Variants in SBF2 observed in about 807,000 individuals in gnomAD.
SBF2 encodes SET binding factor 2.
A neutral mutation model predicts 225.2 loss-of-function variants in SBF2; 112 were observed. The ratio of observed to expected loss-of-function variants is 0.50; its 90% CI spans 0.43 to 0.58. SBF2 has a LOEUF of 0.58. Ranked by LOEUF, SBF2 falls within the 20% of genes least tolerant of loss-of-function variation. The probability of loss-of-function intolerance (pLI) is 0.00; values close to 1 mark genes in which losing one functional copy is unlikely to be tolerated. For synonymous variants in SBF2, 763 were observed against 773.3 expected, an observed-to-expected ratio of 0.99 and a Z score of 0.22; for missense variants, 1,996 against 2,206.2, an observed-to-expected ratio of 0.90 and a Z score of 1.91.
At chr11:9,992,666 C>A in intron 11 of SBF2, 123 bp from the exon 12 acceptor site, 1 of 874,028 alleles carries the variant, frequency 1.1e-6, no homozygotes, top group Non-Finnish European at 1.7e-6. Flanking sequence ...TATATGCTGT[C>A]ATAAAATATA....
At chr11:9,839,162 C>T (rs899023303) in intron 26 of SBF2, 8 of 338,368 alleles carry the variant, frequency 2.4e-5, no homozygotes, top group African/African-American at 1.7e-4. Context: ...CCCCAGCCTA[C>T]AAAAGACTTT....
intron 2 of SBF2, among the ~76,000 whole-genome samples, chr11:10,051,564 G>C (rs1950065338): frequency 6.6e-6 from 1 of 152,028 alleles, no homozygotes; most frequent in Admixed American, 6.6e-5. Flanking sequence ...CAAAGAGGTT[G>C]TTAAGATAGT....
At chr11:10,002,755 A>G in intron 6 of SBF2, 66 bp from the exon 7 acceptor site, 1 of 1,482,096 alleles carries the variant, frequency 6.7e-7, no homozygotes, top group African/African-American at 1.4e-5. Flanking sequence ...ACAATCATAG[A>G]CAGTATACAC....
chr11:10,162,067 G>T (rs886345833), intron 2 of SBF2, among the ~76,000 whole-genome samples: 2 of 151,968 alleles, frequency 1.3e-5, no homozygotes, highest in Non-Finnish European at 2.9e-5. Flanking sequence ...TGTGTAGGAC[G>T]AGAACATGAA....
At chr11:9,813,562 G>C (rs1008974132) in intron 29 of SBF2, among the ~76,000 whole-genome samples, 2 of 152,116 alleles carry the variant, frequency 1.3e-5, no homozygotes, top group African/African-American at 4.8e-5. Flanking sequence ...TTTTGACCTT[G>C]TGATCCGCCC....
At chr11:9,960,634 T>G (rs1374672200) in intron 16 of SBF2, 2 of 151,804 alleles carry the variant, frequency 1.3e-5, no homozygotes, top group Non-Finnish European at 2.9e-5. Flanking sequence ...TGTTTATAAG[T>G]GTGCCAATTC....
At chr11:10,028,893 C>T (rs1457057938) in intron 5 of SBF2, among the ~76,000 whole-genome samples, 1 of 152,100 alleles carries the variant, frequency 6.6e-6, no homozygotes, top group African/African-American at 2.4e-5. Flanking sequence ...TGTGACCAAA[C>T]TCACATTTAA....
intron 17 of SBF2, among the ~76,000 whole-genome samples, chr11:9,862,571 T>C (rs911595571): frequency 6.6e-6 from 1 of 152,150 alleles, no homozygotes; most frequent in Non-Finnish European, 1.5e-5. Flanking sequence ...AAAATGAACA[T>C]ATTTTACAAA....
At chr11:10,291,303 T>C (rs960795847) in intron 1 of SBF2, among the ~76,000 whole-genome samples, 2 of 152,284 alleles carry the variant, frequency 1.3e-5, no homozygotes, top group Middle Eastern at 3.4e-3. Flanking sequence ...GAGAGCTCAT[T>C]TGACCCTTAA....
intron 3 of SBF2, among the ~76,000 whole-genome samples, chr11:10,033,293 T>C (rs1331506556): frequency 6.6e-6 from 1 of 152,136 alleles, no homozygotes; most frequent in East Asian, 1.9e-4. Context: ...AGAGTACCAT[T>C]AGAAGCCAGC....
intron 27 of SBF2, among the ~76,000 whole-genome samples, chr11:9,831,467 A>T (rs771988881): frequency 2.6e-5 from 4 of 152,248 alleles, no homozygotes; most frequent in Non-Finnish European, 5.9e-5. Flanking sequence ...TGACTTTCAA[A>T]AAGCACATGG....
At chr11:9,868,076 T>C (rs1433052143) in intron 17 of SBF2, among the ~76,000 whole-genome samples, 2 of 152,134 alleles carry the variant, frequency 1.3e-5, no homozygotes, top group Non-Finnish European at 2.9e-5. Context: ...GATTTGACCA[T>C]TACACACCGT....
At chr11:9,952,468 G>A (rs1344404435) in intron 16 of SBF2, among the ~76,000 whole-genome samples, 1 of 152,064 alleles carries the variant, frequency 6.6e-6, no homozygotes, top group African/African-American at 2.4e-5. Flanking sequence ...TGAGCCTTTT[G>A]GGGTTTTGTA....
intron 16 of SBF2, among the ~76,000 whole-genome samples, chr11:9,937,391 TATA>T (rs1376982614): frequency 2.6e-5 from 4 of 152,066 alleles, no homozygotes; most frequent in African/African-American, 4.8e-5. Context: ...AGAAAAACAT[TATA>T]ATAAGTGCTG....
chr11:10,043,035 T>C (rs1949714412), intron 2 of SBF2, 54 bp from the exon 3 acceptor site: 1 of 1,544,180 alleles, frequency 6.5e-7, no homozygotes. Flanking sequence ...AAGTTAATTA[T>C]TAATCTCTGA....
chr11:9,809,222 T>G, intron 30 of SBF2: 1 of 471,078 alleles, frequency 2.1e-6, no homozygotes, highest in African/African-American at 2.0e-5. Context: ...TCCCAGCACT[T>G]TGGGAGGCCG....
intron 17 of SBF2, among the ~76,000 whole-genome samples, chr11:9,870,047 C>CTA (rs1418132659): frequency 3.9e-5 from 6 of 152,194 alleles, no homozygotes; most frequent in African/African-American, 1.4e-4. Flanking sequence ...AGTAGCATTC[C>CTA]TATATACCAA....
chr11:10,172,593 T>C (rs1371715619), intron 2 of SBF2, among the ~76,000 whole-genome samples: 3 of 152,338 alleles, frequency 2.0e-5, no homozygotes, highest in African/African-American at 2.4e-5. Context: ...CCTCAGGTGA[T>C]CCACCGGCCT....
intron 16 of SBF2, among the ~76,000 whole-genome samples, chr11:9,929,529 C>T (rs943696768): frequency 3.3e-5 from 5 of 152,112 alleles, no homozygotes; most frequent in South Asian, 4.1e-4. Context: ...TGAATCCTGG[C>T]GAAACCATTA....
Sources: allele counts gnomAD v4.1 joint callset (sites outside exome capture counted in the v4.1 genomes callset), GRCh38; gene constraint gnomAD v4.1.1; transcripts MANE v1.5; gene names NCBI Gene and HGNC (gene_info 2026-07-23, HGNC 2026-07-21).